Variants in NVL observed in about 807,000 individuals in gnomAD.
The protein encoded by NVL is nuclear VCP like.
Under a neutral mutation model 110.2 loss-of-function variants are expected in NVL, and 84 were observed. The observed-to-expected ratio is 0.76, with a 90% CI of 0.64 to 0.91. The LOEUF is 0.91. Ranked by LOEUF, NVL falls within the 40% of genes least tolerant of loss-of-function variation. NVL has a pLI of 0.00. For missense variants in NVL, 882 were observed against 1,035.9 expected (o/e 0.85, Z 2.04); for synonymous variants, 354 against 361.1 (o/e 0.98, Z 0.22).
At chr1:224,245,487 C>T (rs573436488) in intron 19 of NVL, among the ~76,000 whole-genome samples, 1 of 152,320 alleles carries the variant, frequency 6.6e-6, no homozygotes, top group East Asian at 1.9e-4. Context: ...GTGGGTCCTG[C>T]TCCTCCTGGG....
At chr1:224,229,904 T>C (rs1442302888) in intron 22 of NVL, among the ~76,000 whole-genome samples, 1 of 152,046 alleles carries the variant, frequency 6.6e-6, no homozygotes, top group Non-Finnish European at 1.5e-5. Context: ...TGATCATGGC[T>C]CAGTGTAGCC....
Position 224,307,755 on chromosome 1 carries a change from A to T in NVL, c.615+236T>A, listed in dbSNP as rs571718668. On this transcript the variant is annotated intron_variant, in intron 6 of 22. Coordinates refer to ENST00000281701, the MANE Select transcript of NVL (RefSeq NM_002533.4). ...TCTGTGTAAAGAATAAACTAGGGGA[A>T]CAAGAAAGGACACAGACTCCAGCTA... Among the ~76,000 whole-genome samples, 3 of 151,652 alleles carry T rather than the reference A, an allele frequency of 2.0e-5. No homozygotes were observed. In the South Asian group the frequency reaches 6.3e-4, roughly 32 times the overall value.
chr1:224,274,776 A>G (rs1339623005), intron 17 of NVL, among the ~76,000 whole-genome samples: 1 of 152,204 alleles, frequency 6.6e-6, no homozygotes, highest in African/African-American at 2.4e-5. Context: ...TGTTTCTGGT[A>G]CTCCGTACTG....
chr1:224,257,557 C>A (rs1663428891), intron 18 of NVL, among the ~76,000 whole-genome samples: 1 of 152,016 alleles, frequency 6.6e-6, no homozygotes, highest in South Asian at 2.1e-4. Context: ...GAGACAGGGT[C>A]TCACTCTGTA....
At chr1:224,309,617 C>A (rs1669313096) in intron 5 of NVL, among the ~76,000 whole-genome samples, 1 of 152,084 alleles carries the variant, frequency 6.6e-6, no homozygotes, top group Non-Finnish European at 1.5e-5. Context: ...AAACAGTTGG[C>A]CCTCTATATC....
chr1:224,288,867 A>G lies in NVL; in HGVS notation c.1575+617T>C, dbSNP rs537443487. Among the ~76,000 whole-genome samples the G allele has an allele frequency of 2.6e-5, 4 of 152,340 alleles. No homozygotes were observed. In the South Asian group the frequency reaches 6.2e-4, roughly 24 times the overall value. Reference sequence around the variant, plus strand: ...TTGAATTTTCATGACTCATAAAACTAAAAAATTTAATACCGATCTTGGACT... The same window carrying G: ...TTGAATTTTCATGACTCATAAAACTGAAAAATTTAATACCGATCTTGGACT... On this transcript the variant is annotated intron_variant, in intron 13 of 22. Transcript: ENST00000281701.
At chr1:224,311,720 A>G in intron 5 of NVL, 80 bp downstream of exon 5, 1 of 1,048,324 alleles carries the variant, frequency 9.5e-7, no homozygotes, top group Non-Finnish European at 1.5e-6. Flanking sequence ...ATGTCCAGCT[A>G]ATACTGAGTT....
At chr1:224,286,169 C>A in intron 14 of NVL, 39 bp from the exon 15 acceptor site, 1 of 1,345,532 alleles carries the variant, frequency 7.4e-7, no homozygotes, top group Non-Finnish European at 1.1e-6. Context: ...ATTACATGTC[C>A]ATTTTATACT....
At chr1:224,306,782 G>A (rs912650769) in intron 6 of NVL, among the ~76,000 whole-genome samples, 33 of 152,098 alleles carry the variant, frequency 2.2e-4, no homozygotes, top group African/African-American at 8.0e-4. Flanking sequence ...ATAGTGAGCC[G>A]TGATCATGCC....
In NVL at chr1:224,323,804, A is replaced by G. The variant is rs148326161; in HGVS notation, c.131+2587T>C. 3.0e-3 allele frequency among the ~76,000 whole-genome samples: 464 copies of G among 152,346 alleles called. 1 individual carries two copies. The highest frequency in any genetic ancestry group is 7.8e-3 in the Admixed American group (119 of 15,306). Reference sequence around the variant, plus strand: ...CCCTACGGAGCCCACAGGGCAGGGCATCAAGCCAAAGAGGATTATTCTAAC... The same window carrying G: ...CCCTACGGAGCCCACAGGGCAGGGCGTCAAGCCAAAGAGGATTATTCTAAC... On this transcript the variant is annotated intron_variant, in intron 2 of 22. Coordinates refer to ENST00000281701, the MANE Select transcript of NVL (RefSeq NM_002533.4).
intron 6 of NVL, chr1:224,305,462 T>C (rs1178963566): frequency 2.0e-5 from 5 of 247,660 alleles, no homozygotes; most frequent in African/African-American, 8.9e-5. Context: ...ACATGGAAAT[T>C]TGTGAAGCAT....
intron 4 of NVL, among the ~76,000 whole-genome samples, chr1:224,314,227 T>C (rs1320897475): frequency 6.6e-6 from 1 of 151,920 alleles, no homozygotes; most frequent in African/African-American, 2.4e-5. Flanking sequence ...AAATTCAACA[T>C]AAAAAAGTGA....
At chr1:224,304,153 A>T (rs1031749342) in intron 8 of NVL, among the ~76,000 whole-genome samples, 1 of 152,186 alleles carries the variant, frequency 6.6e-6, no homozygotes, top group Non-Finnish European at 1.5e-5. Flanking sequence ...ACGGCCAGGC[A>T]TGGTGGCTCA....
intron 1 of NVL, among the ~76,000 whole-genome samples, chr1:224,329,115 G>A (rs1671432856): frequency 6.6e-6 from 1 of 151,774 alleles, no homozygotes; most frequent in Non-Finnish European, 1.5e-5. Flanking sequence ...GGAGGCTGAG[G>A]AGGGAGGATC....
intron 17 of NVL, among the ~76,000 whole-genome samples, chr1:224,274,807 T>C (rs1665587202): frequency 6.6e-6 from 1 of 152,192 alleles, no homozygotes; most frequent in African/African-American, 2.4e-5. Flanking sequence ...GGACTGTGAC[T>C]CAGTGTGGCT....
intron 18 of NVL, among the ~76,000 whole-genome samples, chr1:224,257,878 C>T (rs376301755): frequency 1.8e-4 from 27 of 152,082 alleles, no homozygotes; most frequent in African/African-American, 6.0e-4. Flanking sequence ...TCAATTTGCA[C>T]ACTTTCCTCA....
rs538038649 is a variant in NVL, at chr1:224,306,339, G to T, written c.616-1173C>A. ...TGGAGTGCAGTGGCACGATCTCAGC[G>T]CACTGCAAGCTCCGCCTGCCGGGTT... On this transcript the variant is annotated intron_variant, in intron 6 of 22. Coordinates refer to ENST00000281701, the MANE Select transcript of NVL (RefSeq NM_002533.4). Among the ~76,000 whole-genome samples, 29 of 152,044 alleles carry T rather than the reference G, an allele frequency of 1.9e-4. No homozygotes were observed. The Middle Eastern group carries it at 0.01, about 53-fold the overall frequency.
intron 18 of NVL, among the ~76,000 whole-genome samples, chr1:224,256,027 T>C (rs1663183639): frequency 6.6e-6 from 1 of 152,222 alleles, no homozygotes; most frequent in Non-Finnish European, 1.5e-5. Context: ...ATCAACTATC[T>C]AGATATGCAT....
intron 13 of NVL, 119 bp from the exon 14 acceptor site, chr1:224,288,112 C>T (rs1667042170): frequency 1.4e-6 from 1 of 691,254 alleles, no homozygotes; most frequent in African/African-American, 1.8e-5. Context: ...TCCTGAACGT[C>T]TATGTATTTT....
Sources: allele counts gnomAD v4.1 joint callset (sites outside exome capture counted in the v4.1 genomes callset), GRCh38; gene constraint gnomAD v4.1.1; transcripts MANE v1.5; gene names NCBI Gene and HGNC (gene_info 2026-07-23, HGNC 2026-07-21).